The following ILRUN variants were observed in gnomAD, a reference collection of about 807,000 sequenced individuals.
The protein encoded by ILRUN is protein ILRUN.
A neutral mutation model predicts 33.8 loss-of-function variants in ILRUN; 3 were observed. That is an observed-to-expected ratio of 0.09 (90% CI 0.04 to 0.23). The LOEUF (loss-of-function observed/expected upper bound fraction) is 0.23. Among genes scored for constraint, ILRUN ranks in the 10% least tolerant of loss-of-function variants. The probability of loss-of-function intolerance (pLI) is 1.00; values close to 1 mark genes in which losing one functional copy is unlikely to be tolerated. For synonymous variants in ILRUN, 124 were observed against 138.9 expected (o/e 0.89, Z 0.75); for missense variants, 210 against 375.1 (o/e 0.56, Z 3.64).
intron 1 of ILRUN, among the ~76,000 whole-genome samples, chr6:34,657,888 G>A (rs1027874315): frequency 6.6e-6 from 1 of 152,172 alleles, no homozygotes; most frequent in Non-Finnish European, 1.5e-5. Context: ...TAAGGTGATG[G>A]GAAAGGGAAA....
In ILRUN at chr6:34,683,487, CATATATATATACATAT is replaced by C. The variant is rs1310758157; in HGVS notation, c.158+12943_158+12958del. On this transcript the variant is annotated intron_variant, in intron 1 of 4. Transcript: ENST00000374023. ...ACATATATATACACATATATATATACATATATATATACATATATATATATATACATATATATATATA... is the reference window on the plus strand; with the variant it reads ...ACATATATATACACATATATATATACATATATATATACATATATATATATA... Among the ~76,000 whole-genome samples the C allele has an allele frequency of 3.9e-4, 32 of 81,870 alleles. No individual in the cohort carries two copies. The East Asian group carries it at 4.6e-3, about 12-fold the overall frequency. The allele number at this position is 81,870 out of a possible 152,430, so 53.7% of individuals were successfully genotyped here. A position where few individuals can be genotyped will look rare whatever the true frequency, so the allele number is the denominator to read the frequency against.
At chr6:34,676,557 C>G (rs1022595254) in intron 1 of ILRUN, among the ~76,000 whole-genome samples, 10 of 151,510 alleles carry the variant, frequency 6.6e-5, no homozygotes, top group African/African-American at 2.4e-4. Flanking sequence ...GGCTCCAGAG[C>G]AGTGGCACGA....
chr6:34,595,954 T>C, intron 4 of ILRUN: 4 of 977,854 alleles, frequency 4.1e-6, no homozygotes, highest in Non-Finnish European at 4.9e-6. Context: ...GTACACTGAA[T>C]GCAAACACAG....
chr6:34,635,565 AAGGGAGGGAGGGAGGGAGGGAGGG>A (rs778767271), intron 3 of ILRUN, among the ~76,000 whole-genome samples: 7 of 119,430 alleles, frequency 5.9e-5, no homozygotes, highest in African/African-American at 2.3e-4. Flanking sequence ...GGAAGGAAGG[AAGGGAGGGAGGGAGGGAGGGAGGG>A]AGGAAAAGAA....
At chr6:34,644,254 A>G (rs1762526016) in intron 3 of ILRUN, among the ~76,000 whole-genome samples, 1 of 152,192 alleles carries the variant, frequency 6.6e-6, no homozygotes, top group South Asian at 2.1e-4. Flanking sequence ...TAAGTCATGT[A>G]TATTGTCTTC....
chr6:34,612,172 G>C (rs774462828), intron 3 of ILRUN, among the ~76,000 whole-genome samples: 6 of 152,164 alleles, frequency 3.9e-5, no homozygotes, highest in Non-Finnish European at 7.4e-5. Flanking sequence ...CCAGCACTTT[G>C]GGAAGCCAAT....
At chr6:34,644,917 G>T (rs1189773571) in intron 3 of ILRUN, among the ~76,000 whole-genome samples, 2 of 152,140 alleles carry the variant, frequency 1.3e-5, no homozygotes, top group East Asian at 3.9e-4. Context: ...GACTGACTGT[G>T]GGGGAGTTAG....
intron 3 of ILRUN, among the ~76,000 whole-genome samples, chr6:34,639,279 G>A (rs2127354675): frequency 6.6e-6 from 1 of 152,270 alleles, no homozygotes; most frequent in South Asian, 2.1e-4. Context: ...GGACCCATAT[G>A]AGGTATTTAA....
At position 34,667,645 on chromosome 6, in the gene ILRUN, TAGTC is replaced by T. The variant is rs1763032271; in HGVS notation, c.159-12870_159-12867del. ...CTTAACCAAATATTCAATTTTAGCA[TAGTC>T]AGTAATAGGACAAACTAACATAATA... On this transcript the variant is annotated intron_variant, in intron 1 of 4. Coordinates refer to ENST00000374023, the MANE Select transcript of ILRUN (RefSeq NM_024294.4). Among the ~76,000 whole-genome samples, 3 of 152,308 alleles carry T rather than the reference TAGTC, an allele frequency of 2.0e-5. No homozygotes were observed. In the South Asian group the frequency reaches 6.2e-4, roughly 32 times the overall value.
At chr6:34,624,844 T>C (rs1050489600) in intron 3 of ILRUN, among the ~76,000 whole-genome samples, 1 of 152,218 alleles carries the variant, frequency 6.6e-6, no homozygotes, top group Non-Finnish European at 1.5e-5. Flanking sequence ...AAAACATCAT[T>C]ACTGATGGTA....
At chr6:34,605,949 C>G (rs573304093) in intron 4 of ILRUN, among the ~76,000 whole-genome samples, 8 of 152,304 alleles carry the variant, frequency 5.3e-5, no homozygotes, top group African/African-American at 1.9e-4. Flanking sequence ...CAGGCACCAT[C>G]ATCACCTTAG....
At chr6:34,626,754 T>A (rs576262009) in intron 3 of ILRUN, among the ~76,000 whole-genome samples, 70 of 152,292 alleles carry the variant, frequency 4.6e-4, no homozygotes, top group Admixed American at 1.4e-3. Context: ...ACGCCTGTAA[T>A]CCTAGCACTT....
chr6:34,694,784 T>C (rs539583605), intron 1 of ILRUN, among the ~76,000 whole-genome samples: 1 of 151,996 alleles, frequency 6.6e-6, no homozygotes, highest in South Asian at 2.1e-4. Flanking sequence ...GCATAGTGGC[T>C]CACACCTGTT....
intron 3 of ILRUN, among the ~76,000 whole-genome samples, chr6:34,610,928 A>G (rs759140392): frequency 1.3e-5 from 2 of 151,958 alleles, no homozygotes; most frequent in Non-Finnish European, 2.9e-5. Context: ...AAGCATCTTT[A>G]GGCTGGGTGC....
chr6:34,608,926 G>A (rs1761688079), intron 3 of ILRUN, among the ~76,000 whole-genome samples: 1 of 152,178 alleles, frequency 6.6e-6, no homozygotes, highest in South Asian at 2.1e-4. Flanking sequence ...ATTCCTGTTG[G>A]AAGGTTTTCA....
chr6:34,651,012 T>C (rs1469164267), intron 2 of ILRUN, among the ~76,000 whole-genome samples: 1 of 152,178 alleles, frequency 6.6e-6, no homozygotes, highest in Non-Finnish European at 1.5e-5. Context: ...TCCATGTTAC[T>C]ACTCTATTTA....
intron 3 of ILRUN, among the ~76,000 whole-genome samples, chr6:34,629,917 A>G (rs1217713822): frequency 6.6e-6 from 1 of 152,170 alleles, no homozygotes; most frequent in African/African-American, 2.4e-5. Flanking sequence ...TAAATCCCAT[A>G]TATACTATGT....
rs894729144 is a variant in ILRUN at position 34,685,258 on chromosome 6, A to G, written c.158+11188T>C. The G allele has an allele frequency of 5.9e-5, 9 of 152,316 alleles. No homozygotes were observed. In the East Asian group the frequency reaches 1.7e-3, roughly 29 times the overall value. 9.4% of individuals were successfully genotyped at this position (152,316 alleles called of 1,614,324 possible). A position where few individuals can be genotyped will look rare whatever the true frequency, so the allele number is the denominator to read the frequency against. On this transcript the variant is annotated intron_variant, in intron 1 of 4. Coordinates refer to ENST00000374023, the MANE Select transcript of ILRUN (RefSeq NM_024294.4). ...CTTAAAGATAACTCAGTTCAAGTCT[A>G]ATTTCTGGGAGACCAAAAACTGGCT...
intron 1 of ILRUN, among the ~76,000 whole-genome samples, chr6:34,694,807 G>A (rs1161312031): frequency 6.6e-6 from 1 of 152,040 alleles, no homozygotes; most frequent in Non-Finnish European, 1.5e-5. Flanking sequence ...CAGCACTTTG[G>A]GAGGCCAAGG....
Sources: gnomAD v4.1 joint callset for allele counts (sites outside exome capture counted in the v4.1 genomes callset) on GRCh38, gnomAD v4.1.1 for gene constraint, MANE v1.5 for transcripts, NCBI Gene and HGNC (gene_info 2026-07-23, HGNC 2026-07-21) for gene names.